The following MAP2K5 variants were observed in gnomAD, a reference collection of about 807,000 sequenced individuals.
MAP2K5 encodes mitogen-activated protein kinase kinase 5, also known as dual specificity mitogen-activated protein kinase kinase 5.
A neutral mutation model predicts 83.1 loss-of-function variants in MAP2K5; 49 were observed. That is an observed-to-expected ratio of 0.59 (90% CI 0.47 to 0.75). The LOEUF (loss-of-function observed/expected upper bound fraction) is 0.75. Ranked by LOEUF, MAP2K5 falls within the 30% of genes least tolerant of loss-of-function variation. The pLI, the probability that MAP2K5 is intolerant of heterozygous loss-of-function variation, is 0.00. For synonymous variants in MAP2K5, 202 were observed against 191.8 expected, an observed-to-expected ratio of 1.05 and a Z score of -0.44; for missense variants, 457 against 557.5, an observed-to-expected ratio of 0.82 and a Z score of 1.82.
rs914575194 is a variant in MAP2K5, at chr15:67,638,540, C to T, written c.585+7613C>T. Among the ~76,000 whole-genome samples the T allele has an allele frequency of 5.3e-5, 8 of 152,138 alleles. No homozygotes were observed. The highest frequency in any genetic ancestry group is 1.9e-4 in the East Asian group (1 of 5,196). ...TAGTGCTGCAATGACCATTTGCATG[C>T]GTGTGTCTTTATAATAGAATGCTTT... On this transcript the variant is annotated intron_variant, in intron 9 of 21. Coordinates refer to ENST00000178640, the MANE Select transcript of MAP2K5 (RefSeq NM_145160.3). The surrounding 1 kb of genome is among the most constrained non-coding windows in gnomAD (Gnocchi z 4.5).
At chr15:67,544,847 A>G (rs2084361184) in intron 1 of MAP2K5, among the ~76,000 whole-genome samples, 1 of 152,174 alleles carries the variant, frequency 6.6e-6, no homozygotes, top group Non-Finnish European at 1.5e-5. Context: ...GGCCATGCAG[A>G]TTTTTGGGTG....
Position 67,640,973 on chromosome 15 carries a change from G to A in MAP2K5, c.586-5258G>A, listed in dbSNP as rs1370260940. ...AATGACCATGTGTAATTCATGAAAC[G>A]TGTTTCTACCTTTTTGTCTGTTTGT... On this transcript the variant is annotated intron_variant, in intron 9 of 21. Coordinates refer to ENST00000178640, the MANE Select transcript of MAP2K5 (RefSeq NM_145160.3). The surrounding 1 kb of genome is among the most constrained non-coding windows in gnomAD (Gnocchi z 4.6). Among the ~76,000 whole-genome samples the A allele has an allele frequency of 2.6e-5, 4 of 152,266 alleles. No homozygotes were observed. In the East Asian group the frequency reaches 5.8e-4, roughly 22 times the overall value.
At chr15:67,650,875 A>G (rs2086935690) in intron 11 of MAP2K5, among the ~76,000 whole-genome samples, 1 of 152,134 alleles carries the variant, frequency 6.6e-6, no homozygotes, top group African/African-American at 2.4e-5. Context: ...CACCTCTTCC[A>G]TTTTTTGAAA....
intron 11 of MAP2K5, among the ~76,000 whole-genome samples, chr15:67,647,485 G>A (rs116480629): frequency 2.0e-5 from 3 of 151,928 alleles, no homozygotes; most frequent in South Asian, 2.1e-4. Context: ...GGTGGTTCAC[G>A]CATGTAATCC....
In MAP2K5 at chr15:67,794,642, A is replaced by G; in HGVS notation, c.1243-12004A>G. 6.7e-6 allele frequency among the ~76,000 whole-genome samples: 1 copy of G among 149,692 alleles called. No individual in the cohort carries two copies. ...TAACTCTGGAACATCACAGCTGAAA[A>G]AAAAAAAAAAAAAAAGACGGTACTT... On this transcript the variant is annotated intron_variant, in intron 21 of 21. Coordinates refer to ENST00000178640, the MANE Select transcript of MAP2K5 (RefSeq NM_145160.3). The surrounding 1 kb of genome is among the most constrained non-coding windows in gnomAD (Gnocchi z 4.6).
chr15:67,696,870 T>A (rs2088276996), intron 15 of MAP2K5, among the ~76,000 whole-genome samples: 1 of 152,116 alleles, frequency 6.6e-6, no homozygotes, highest in Non-Finnish European at 1.5e-5. Context: ...TCCCAGCTAC[T>A]CAGGAGGCTG....
chr15:67,646,347 CT>C (rs1456935629), intron 10 of MAP2K5, 40 bp from the exon 11 acceptor site: 8 of 1,421,220 alleles, frequency 5.6e-6, no homozygotes, highest in Non-Finnish European at 6.9e-6. Context: ...ATGGTATTGA[CT>C]TGCAGGTTTA....
intron 13 of MAP2K5, among the ~76,000 whole-genome samples, chr15:67,689,367 G>A (rs2088040009): frequency 6.6e-6 from 1 of 152,192 alleles, no homozygotes; most frequent in South Asian, 2.1e-4. Context: ...TGACTTTGAT[G>A]GCCTGAGATT....
rs2084911821 is a variant in MAP2K5 at position 67,569,668 on chromosome 15, A to G, written c.252+6318A>G. Reference sequence around the variant, plus strand: ...GGAGCAGAAGCATATTCAAGTTTGCATCAGAACGAGGGATTTATTATGTGG... The same window carrying G: ...GGAGCAGAAGCATATTCAAGTTTGCGTCAGAACGAGGGATTTATTATGTGG... On this transcript the variant is annotated intron_variant, in intron 3 of 21. Coordinates refer to ENST00000178640, the MANE Select transcript of MAP2K5 (RefSeq NM_145160.3). Among the ~76,000 whole-genome samples, 4 of 152,288 alleles carry G rather than the reference A, an allele frequency of 2.6e-5. No individual in the cohort carries two copies. The South Asian group carries it at 6.2e-4, about 24-fold the overall frequency.
chr15:67,768,150 A>G lies in MAP2K5; in HGVS notation c.1135-1452A>G, dbSNP rs976042809. Among the ~76,000 whole-genome samples the G allele has an allele frequency of 7.2e-5, 11 of 151,910 alleles. No homozygotes were observed. The highest frequency in any genetic ancestry group is 1.3e-4 in the Non-Finnish European group (9 of 67,982). On this transcript the variant is annotated intron_variant, in intron 19 of 21. Transcript: ENST00000178640. The surrounding 1 kb of genome is among the most constrained non-coding windows in gnomAD (Gnocchi z 4.0). ...TAATTGTATTTTCCAGCACTTTCCA[A>G]TTGTTTGAATTGGAAACAAAGCCTT...
chr15:67,703,276 G>A, intron 15 of MAP2K5, 61 bp from the exon 16 acceptor site: 1 of 1,230,400 alleles, frequency 8.1e-7, no homozygotes. Flanking sequence ...GCTTATTTTG[G>A]TGTATGTGTT....
intron 21 of MAP2K5, among the ~76,000 whole-genome samples, chr15:67,789,974 CTT>C (rs936978034): frequency 6.6e-6 from 1 of 152,166 alleles, no homozygotes; most frequent in African/African-American, 2.4e-5. Flanking sequence ...CTTTGGGCAG[CTT>C]TTACACTACC....
rs1307170380 is a variant in MAP2K5 at position 67,720,765 on chromosome 15, G to A, written c.1045-7151G>A. ...TATTTTATGGGCCTTTGCTTCAGTG[G>A]CTCGAAAGCACATATGCTCCAGTCA... On this transcript the variant is annotated intron_variant, in intron 16 of 21. Coordinates refer to ENST00000178640, the MANE Select transcript of MAP2K5 (RefSeq NM_145160.3). The surrounding 1 kb of genome is among the most constrained non-coding windows in gnomAD (Gnocchi z 5.7). Among the ~76,000 whole-genome samples the A allele has an allele frequency of 6.6e-6, 1 of 152,200 alleles. No homozygotes were observed. The highest frequency in any genetic ancestry group is 2.4e-5 in the African/African-American group (1 of 41,440).
chr15:67,629,515 A>T (rs577048045), intron 8 of MAP2K5, among the ~76,000 whole-genome samples: 2 of 152,334 alleles, frequency 1.3e-5, no homozygotes, highest in African/African-American at 4.8e-5. Flanking sequence ...TAAACAGCAG[A>T]AAATGATGTT....
chr15:67,797,476 C>T (rs2141340888), intron 21 of MAP2K5, among the ~76,000 whole-genome samples: 1 of 152,250 alleles, frequency 6.6e-6, no homozygotes, highest in South Asian at 2.1e-4. Context: ...GATAATTTCT[C>T]CTGAGTACCT....
chr15:67,605,244 G>A (rs2085754879), intron 8 of MAP2K5, among the ~76,000 whole-genome samples: 2 of 151,902 alleles, frequency 1.3e-5, no homozygotes, highest in Admixed American at 1.3e-4. Context: ...TAGTAGGGAT[G>A]GGGTTTCACC....
intron 16 of MAP2K5, among the ~76,000 whole-genome samples, chr15:67,703,847 A>G (rs1385224418): frequency 6.6e-6 from 1 of 152,218 alleles, no homozygotes. Flanking sequence ...TAAAAGATAC[A>G]GCACTACTCA....
At chr15:67,658,490 A>C (rs572735194) in intron 11 of MAP2K5, 63 bp from the exon 12 acceptor site, 1 of 1,256,582 alleles carries the variant, frequency 8.0e-7, no homozygotes, top group South Asian at 1.2e-5. Flanking sequence ...AACACACAGG[A>C]GAAGCCCAGT....
intron 15 of MAP2K5, among the ~76,000 whole-genome samples, chr15:67,695,134 G>A (rs10153003): frequency 0.98 from 140,404 of 142,848 alleles, 69,075 homozygotes; most frequent in Middle Eastern, 1. Flanking sequence ...GGGGAGGGAT[G>A]GCATTGGGAG....
Sources: allele counts gnomAD v4.1 joint callset (sites outside exome capture counted in the v4.1 genomes callset), GRCh38; gene constraint gnomAD v4.1.1; non-coding constraint Gnocchi (gnomAD v3.1); transcripts MANE v1.5; gene names NCBI Gene and HGNC (gene_info 2026-07-23, HGNC 2026-07-21).